Variants in NCOR2 observed in about 807,000 individuals in gnomAD.
NCOR2 encodes the protein nuclear receptor corepressor 2.
Under a neutral mutation model 262.9 loss-of-function variants are expected in NCOR2, and 81 were observed. That is an observed-to-expected ratio of 0.31 (90% CI 0.26 to 0.37). The LOEUF (loss-of-function observed/expected upper bound fraction) is 0.37. Ranked by LOEUF, NCOR2 falls within the 10% of genes least tolerant of loss-of-function variation. The probability of loss-of-function intolerance (pLI) is 1.00; values close to 1 mark genes in which losing one functional copy is unlikely to be tolerated. For synonymous variants in NCOR2, 1,659 were observed against 1,559.3 expected, an observed-to-expected ratio of 1.06 and a Z score of -1.51; for missense variants, 3,385 against 3,621.4, an observed-to-expected ratio of 0.93 and a Z score of 1.68.
At chr12:124,377,120 A>G (rs1473377834) in intron 18 of NCOR2, among the ~76,000 whole-genome samples, 1 of 152,180 alleles carries the variant, frequency 6.6e-6, no homozygotes, top group Non-Finnish European at 1.5e-5. Context: ...GGGTCTATAC[A>G]CACTGATAAC....
chr12:124,326,538 C>T (rs2034661447), intron 45 of NCOR2, among the ~76,000 whole-genome samples, 168 bp from the exon 48 acceptor site: 1 of 152,144 alleles, frequency 6.6e-6, no homozygotes, highest in African/African-American at 2.4e-5. Context: ...GCTGGGAAGC[C>T]AGGGTTGACC....
chr12:124,544,363 A>T (rs983535022), intron 1 of NCOR2, among the ~76,000 whole-genome samples: 2 of 152,216 alleles, frequency 1.3e-5, no homozygotes, highest in Non-Finnish European at 2.9e-5. Context: ...AGCTGAACAG[A>T]AAAACCACTG....
chr12:124,422,437 C>G (rs573061181), intron 12 of NCOR2, 64 bp downstream of exon 14: 3 of 1,597,596 alleles, frequency 1.9e-6, no homozygotes, highest in Non-Finnish European at 2.6e-6. Context: ...GGCCTCCACC[C>G]TGAGTCCACG....
chr12:124,372,494 G>A (rs780286105), exon 20 of NCOR2: 11 of 1,582,076 alleles, frequency 7.0e-6, no homozygotes, highest in Non-Finnish European at 8.5e-6. Flanking sequence ...GGCCCTGGGG[G>A]TGGCCCGTCG....
rs569920930 is a variant in NCOR2 at position 124,348,010 on chromosome 12, C to T, written c.3986-99G>A. ...TTACAGCCGCCAGTGGTCATCCCCA[C>T]GATGATGGTGGAGTAGGACCCAGCA... On this transcript the variant is annotated intron_variant, in intron 29 of 46. Transcript: ENST00000405201. 5.8e-4 allele frequency: 846 copies of T among 1,460,178 alleles called. 3 individuals carry two copies. Among genetic ancestry groups the T allele is most frequent in the East Asian group, 2.5e-3 (100 of 40,404 alleles). The allele number at this position is 1,460,178 out of a possible 1,614,324, so 90.5% of individuals were successfully genotyped here.
intron 18 of NCOR2, among the ~76,000 whole-genome samples, chr12:124,376,692 A>T (rs2136059316): frequency 6.6e-6 from 1 of 152,224 alleles, no homozygotes; most frequent in South Asian, 2.1e-4. Context: ...GGCTGGTGAA[A>T]CCCTGCGGGC....
chr12:124,368,243 A>G (rs2039197644), intron 20 of NCOR2, among the ~76,000 whole-genome samples: 1 of 151,696 alleles, frequency 6.6e-6, no homozygotes, highest in Admixed American at 6.6e-5. Context: ...CCTCACTGTC[A>G]TTTTCCTTCC....
exon 39 of NCOR2, chr12:124,335,616 G>A: frequency 6.2e-7 from 1 of 1,603,468 alleles, no homozygotes; most frequent in Middle Eastern, 1.9e-4. Context: ...CGGGGCTGTA[G>A]CTGCTGCCGT....
chr12:124,383,447 C>A, intron 17 of NCOR2: 1 of 702,664 alleles, frequency 1.4e-6, no homozygotes, highest in Non-Finnish European at 1.9e-6. Flanking sequence ...CCACACTCAA[C>A]AGGGTGCCTT....
chr12:124,466,549 A>G (rs1191332415), intron 4 of NCOR2, among the ~76,000 whole-genome samples: 3 of 152,156 alleles, frequency 2.0e-5, no homozygotes, highest in East Asian at 3.8e-4. Context: ...AGCACAGCCA[A>G]GCAGCCTCAC....
At chr12:124,397,010 G>A (rs1242328571) in intron 16 of NCOR2, among the ~76,000 whole-genome samples, 1 of 152,224 alleles carries the variant, frequency 6.6e-6, no homozygotes, top group Non-Finnish European at 1.5e-5. Context: ...CGGGGAGTGG[G>A]GGCCTGGGCC....
At chr12:124,370,360 C>T (rs756897976) in intron 20 of NCOR2, among the ~76,000 whole-genome samples, 27 of 152,194 alleles carry the variant, frequency 1.8e-4, no homozygotes, top group Non-Finnish European at 3.5e-4. Flanking sequence ...CTATAGAGAT[C>T]CGGGTGAACC....
chr12:124,436,539 C>T (rs764207165), intron 8 of NCOR2, among the ~76,000 whole-genome samples: 1 of 152,350 alleles, frequency 6.6e-6, no homozygotes, highest in Non-Finnish European at 1.5e-5. Context: ...TACCATGTCC[C>T]AGCAGCCCCG....
intron 21 of NCOR2, 36 bp from the exon 24 acceptor site, chr12:124,362,333 G>T: frequency 7.5e-7 from 1 of 1,332,198 alleles, no homozygotes; most frequent in Non-Finnish European, 9.6e-7. Flanking sequence ...ATTCACAGAG[G>T]GTGTCTGAAA....
chr12:124,382,866 C>T (rs551940025), intron 17 of NCOR2, among the ~76,000 whole-genome samples: 6 of 152,348 alleles, frequency 3.9e-5, no homozygotes, highest in South Asian at 2.1e-4. Flanking sequence ...AACAGCCCTA[C>T]GACTGGGTCC....
At chr12:124,402,282 C>T in intron 14 of NCOR2, 122 bp downstream of exon 16, 1 of 1,522,564 alleles carries the variant, frequency 6.6e-7, no homozygotes, top group South Asian at 1.3e-5. Flanking sequence ...AGAAAGCCCT[C>T]CCCCCTGCTC....
At chr12:124,374,244 G>T (rs1364281854) in intron 19 of NCOR2, among the ~76,000 whole-genome samples, 169 bp downstream of exon 21, 2 of 152,250 alleles carry the variant, frequency 1.3e-5, no homozygotes, top group African/African-American at 4.8e-5. Flanking sequence ...CCAGCATGGG[G>T]AACAGCCACT....
chr12:124,334,322 G>A (rs373124713), intron 41 of NCOR2, 102 bp downstream of exon 43: 22 of 788,484 alleles, frequency 2.8e-5, no homozygotes, highest in African/African-American at 2.6e-4. Context: ...GGCACCAGGC[G>A]GGCCTCATAT....
chr12:124,340,927 C>T (rs1282070825), intron 34 of NCOR2, among the ~76,000 whole-genome samples, 176 bp from the exon 37 acceptor site: 1 of 152,196 alleles, frequency 6.6e-6, no homozygotes, highest in East Asian at 1.9e-4. Flanking sequence ...TCTGAATGCT[C>T]AGGTTCTCTC....
Sources: gnomAD v4.1 joint callset for allele counts (sites outside exome capture counted in the v4.1 genomes callset) on GRCh38, gnomAD v4.1.1 for gene constraint, MANE v1.5 for transcripts, NCBI Gene and HGNC (gene_info 2026-07-23, HGNC 2026-07-21) for gene names.